The following STAG1 variants were observed in gnomAD, a reference collection of about 807,000 sequenced individuals.
The protein encoded by STAG1 is STAG1 cohesin complex component, also known as cohesin subunit SA-1.
A neutral mutation model predicts 170.9 loss-of-function variants in STAG1; 26 were observed. That is an observed-to-expected ratio of 0.15 (90% CI 0.11 to 0.21). The LOEUF is 0.21. STAG1 is among the 10% of genes least tolerant of loss of function. The pLI is 1.00. For missense variants in STAG1, 964 were observed against 1,509.5 expected (o/e 0.64, Z 5.99); for synonymous variants, 514 against 497.7 (o/e 1.03, Z -0.44).
At chr3:136,551,428 A>ACTTTTTT in intron 5 of STAG1, among the ~76,000 whole-genome samples, 1 of 117,490 alleles carries the variant, frequency 8.5e-6, no homozygotes, top group African/African-American at 3.4e-5. Flanking sequence ...CATCTGGCTA[A>ACTTTTTT]TTTTTTTTTT....
In STAG1 at chr3:136,522,053, G is replaced by C. The variant is rs139577821; in HGVS notation, c.472-636C>G. ...ATCTTGTTTTAAAACACAAAACGTA[G>C]AGTACAACCCAATTGGTTAGAGGTT... On this transcript the variant is annotated intron_variant, in intron 6 of 33. Transcript: ENST00000383202. 7.5e-3 allele frequency among the ~76,000 whole-genome samples: 1,138 copies of C among 152,268 alleles called. 18 individuals are homozygous for C. The highest frequency in any genetic ancestry group is 0.026 in the African/African-American group (1,085 of 41,556).
chr3:136,630,411 G>C (rs2107837826), intron 2 of STAG1, among the ~76,000 whole-genome samples: 1 of 152,236 alleles, frequency 6.6e-6, no homozygotes, highest in East Asian at 1.9e-4. Flanking sequence ...GGTAGAGAAA[G>C]AGTATGGTAT....
intron 1 of STAG1, among the ~76,000 whole-genome samples, chr3:136,655,370 A>C (rs1941339850): frequency 6.6e-6 from 1 of 152,260 alleles, no homozygotes; most frequent in Non-Finnish European, 1.5e-5. Flanking sequence ...GCCAGTAAGC[A>C]CGTGAAAAGA....
intron 1 of STAG1, among the ~76,000 whole-genome samples, chr3:136,695,438 A>T (rs934442034): frequency 5.0e-4 from 73 of 146,496 alleles, no homozygotes; most frequent in Non-Finnish European, 3.2e-4. Context: ...CTCTGTCTCA[A>T]AAAAAAAAAA....
intron 22 of STAG1, among the ~76,000 whole-genome samples, chr3:136,385,495 A>G (rs547378111): frequency 6.6e-6 from 1 of 152,332 alleles, no homozygotes; most frequent in East Asian, 1.9e-4. Context: ...AGATGGCTCG[A>G]GTAGTAAGAT....
At chr3:136,558,593 A>T (rs1377322767) in intron 5 of STAG1, among the ~76,000 whole-genome samples, 1 of 152,234 alleles carries the variant, frequency 6.6e-6, no homozygotes, top group Non-Finnish European at 1.5e-5. Flanking sequence ...ATCCTACTCA[A>T]CAACATAAAA....
intron 4 of STAG1, among the ~76,000 whole-genome samples, chr3:136,580,403 T>C (rs529369761): frequency 1.3e-5 from 2 of 152,136 alleles, no homozygotes; most frequent in East Asian, 1.9e-4. Context: ...ATCAAGTTAG[T>C]ATTAAAGATT....
At chr3:136,733,820 C>T (rs754480243) in intron 1 of STAG1, among the ~76,000 whole-genome samples, 12 of 152,110 alleles carry the variant, frequency 7.9e-5, no homozygotes, top group Admixed American at 7.9e-4. Flanking sequence ...TTTCTACACA[C>T]TTGCAGGCCC....
chr3:136,724,900 T>C lies in STAG1; in HGVS notation c.-84+27295A>G, dbSNP rs1036024906. Among the ~76,000 whole-genome samples the C allele has an allele frequency of 5.3e-5, 8 of 152,164 alleles. 1 individual carries two copies. Among genetic ancestry groups the C allele is most frequent in the African/African-American group, 1.9e-4 (8 of 41,440 alleles). On this transcript the variant is annotated intron_variant, in intron 1 of 33. Coordinates refer to ENST00000383202, the MANE Select transcript of STAG1 (RefSeq NM_005862.3). ...GCTCTATAAGGCTGAAAAGAGACTG[T>C]GAATGTCTGTTCAAAAAAAAACATT...
At chr3:136,647,769 C>T (rs551084148) in intron 1 of STAG1, among the ~76,000 whole-genome samples, 1 of 152,306 alleles carries the variant, frequency 6.6e-6, no homozygotes, top group South Asian at 2.1e-4. Flanking sequence ...GCACTATACA[C>T]CTTGTTTTCC....
chr3:136,409,133 C>T (rs1172085013), intron 21 of STAG1, among the ~76,000 whole-genome samples: 3 of 151,842 alleles, frequency 2.0e-5, no homozygotes, highest in Admixed American at 6.6e-5. Flanking sequence ...GCCGTGGTGG[C>T]GGGCACTGTA....
intron 7 of STAG1, among the ~76,000 whole-genome samples, chr3:136,519,983 T>C (rs915175102): frequency 6.6e-6 from 1 of 152,122 alleles, no homozygotes. Context: ...CTGTGCTTCA[T>C]GTTTACTTGG....
At chr3:136,439,194 CA>C (rs1163622178) in intron 15 of STAG1, among the ~76,000 whole-genome samples, 23,291 of 63,560 alleles carry the variant, frequency 0.37, 1,547 homozygotes, top group Middle Eastern at 0.41. Flanking sequence ...GACCCAGACT[CA>C]AAAAAAAAAA....
intron 6 of STAG1, 119 bp downstream of exon 6, chr3:136,542,000 T>TC: frequency 1.4e-6 from 1 of 734,390 alleles, no homozygotes. Flanking sequence ...TCATATATAA[T>TC]TAAAAAATAG....
At chr3:136,461,327 G>A (rs560645134) in intron 13 of STAG1, among the ~76,000 whole-genome samples, 4 of 152,164 alleles carry the variant, frequency 2.6e-5, no homozygotes, top group Non-Finnish European at 5.9e-5. Flanking sequence ...GTCCTAGTCA[G>A]AGCAGTTAGG....
At chr3:136,541,565 CA>C (rs1935907346) in intron 6 of STAG1, among the ~76,000 whole-genome samples, 1 of 151,556 alleles carries the variant, frequency 6.6e-6, no homozygotes, top group African/African-American at 2.4e-5. Context: ...CACACACACA[CA>C]CACACACACA....
intron 21 of STAG1, among the ~76,000 whole-genome samples, chr3:136,399,808 A>T (rs980393331): frequency 6.6e-6 from 1 of 152,208 alleles, no homozygotes. Context: ...TATGTGTGTT[A>T]TATCTCTCAA....
At chr3:136,393,238 A>G (rs112566166) in intron 22 of STAG1, among the ~76,000 whole-genome samples, 177 of 152,326 alleles carry the variant, frequency 1.2e-3, no homozygotes, top group African/African-American at 2.5e-3. Context: ...TTTAAACTTC[A>G]GGGAAAAAAT....
chr3:136,602,797 G>C (rs1938735184), intron 4 of STAG1, among the ~76,000 whole-genome samples: 1 of 152,148 alleles, frequency 6.6e-6, no homozygotes, highest in African/African-American at 2.4e-5. Context: ...GTTGCAGTGA[G>C]CCACTGCACT....
Sources: gnomAD v4.1 joint callset for allele counts (sites outside exome capture counted in the v4.1 genomes callset) on GRCh38, gnomAD v4.1.1 for gene constraint, MANE v1.5 for transcripts, NCBI Gene and HGNC (gene_info 2026-07-23, HGNC 2026-07-21) for gene names.